Variants in CHM observed in about 807,000 individuals in gnomAD.
CHM encodes the protein rab proteins geranylgeranyltransferase component A 1.
Under a neutral mutation model 49.0 loss-of-function variants are expected in CHM, and 10 were observed. The ratio of observed to expected loss-of-function variants is 0.20; its 90% CI spans 0.13 to 0.35. The LOEUF (loss-of-function observed/expected upper bound fraction) is 0.35, where lower values mean the gene tolerates loss of function less well. Among genes scored for constraint, CHM ranks in the 10% least tolerant of loss-of-function variants. The pLI, the probability that CHM is intolerant of heterozygous loss-of-function variation, is 1.00. For missense variants in CHM, 455 were observed against 478.4 expected (o/e 0.95, Z 0.46); for synonymous variants, 184 against 167.5 (o/e 1.10, Z -0.76).
intron 7 of CHM, among the ~76,000 whole-genome samples, chrX:85,956,675 C>CA (rs1930025073): frequency 9.0e-6 from 1 of 111,364 alleles, no homozygotes; most frequent in Admixed American, 9.6e-5. Context: ...GCAATAATCT[C>CA]ACTTTATTAT....
intron 2 of CHM, among the ~76,000 whole-genome samples, chrX:86,006,279 A>T (rs886509074): frequency 4.8e-4 from 54 of 111,663 alleles, no homozygotes; most frequent in Non-Finnish European, 9.2e-4. Context: ...AATAAGAGCT[A>T]TTTATGACAA....
At chrX:85,976,674 G>A (rs1462735797) in intron 4 of CHM, among the ~76,000 whole-genome samples, 1 of 109,804 alleles carries the variant, frequency 9.1e-6, no homozygotes, top group African/African-American at 3.3e-5. Context: ...TTCTGAGATC[G>A]CCTAGTCCAA....
intron 2 of CHM, among the ~76,000 whole-genome samples, chrX:86,014,011 T>C (rs964657717): frequency 2.4e-4 from 27 of 112,109 alleles, no homozygotes; most frequent in Admixed American, 1.7e-3. Context: ...AAACCTGCCA[T>C]AGTTAATGTG....
intron 1 of CHM, among the ~76,000 whole-genome samples, chrX:86,028,084 T>C (rs979915038): frequency 6.2e-5 from 7 of 112,118 alleles, no homozygotes; most frequent in Middle Eastern, 4.2e-3. Flanking sequence ...AAAAAGCAGT[T>C]CTGCTTAATT....
At position 85,984,404 on chromosome X, in the gene CHM, A is replaced by G. The variant is rs778658798; in HGVS notation, c.117-2595T>C. On this transcript the variant is annotated intron_variant, in intron 2 of 14. Coordinates refer to ENST00000357749, the MANE Select transcript of CHM (RefSeq NM_000390.4). The stretch of plus-strand genomic sequence containing the variant: ...TAAGTGCATATTATAATAGCATTAC[A>G]AATGAGCATATGAGATACCAGTACG... Among the ~76,000 whole-genome samples the G allele has an allele frequency of 5.4e-5, 6 of 111,125 alleles. No individual in the cohort carries two copies. The South Asian group carries it at 2.3e-3, about 43-fold the overall frequency.
At chrX:85,884,390 C>T (rs1177772302) in intron 12 of CHM, among the ~76,000 whole-genome samples, 3 of 110,819 alleles carry the variant, frequency 2.7e-5, no homozygotes, top group South Asian at 7.6e-4. Context: ...ATACTAATAA[C>T]GGTCCTGAGG....
intron 8 of CHM, among the ~76,000 whole-genome samples, chrX:85,954,986 C>T (rs1285769636): frequency 9.1e-6 from 1 of 110,170 alleles, no homozygotes; most frequent in Non-Finnish European, 1.9e-5. Context: ...GTGAAATAAG[C>T]CAGCCACAGA....
intron 9 of CHM, among the ~76,000 whole-genome samples, chrX:85,904,032 A>C (rs895657929): frequency 8.9e-6 from 1 of 111,946 alleles, no homozygotes; most frequent in Non-Finnish European, 1.9e-5. Flanking sequence ...TTGGGAAAAC[A>C]ATGAATAAAA....
chrX:85,874,892 T>C (rs181192295), intron 13 of CHM, among the ~76,000 whole-genome samples: 14 of 111,758 alleles, frequency 1.3e-4, no homozygotes, highest in African/African-American at 4.2e-4. Context: ...GTATCTCCTA[T>C]GATTTGGGAT....
chrX:85,954,893 C>CAAAA (rs768276965), intron 8 of CHM, among the ~76,000 whole-genome samples: 3 of 83,324 alleles, frequency 3.6e-5, no homozygotes, highest in African/African-American at 8.7e-5. Context: ...CTCCATCTCC[C>CAAAA]AAAAAAAAAA....
intron 1 of CHM, among the ~76,000 whole-genome samples, chrX:86,041,799 A>C (rs940877051): frequency 1.9e-5 from 2 of 102,668 alleles, no homozygotes; most frequent in African/African-American, 3.5e-5. Flanking sequence ...TACTACATGC[A>C]TTCTGATATA....
At chrX:86,002,500 T>C (rs1484536446) in intron 2 of CHM, among the ~76,000 whole-genome samples, 4 of 111,839 alleles carry the variant, frequency 3.6e-5, no homozygotes, top group Non-Finnish European at 7.5e-5. Flanking sequence ...AGAAGACAGG[T>C]GATTTCTGCA....
chrX:86,010,760 T>C (rs1328549500), intron 2 of CHM, among the ~76,000 whole-genome samples: 1 of 111,509 alleles, frequency 9.0e-6, no homozygotes, highest in Non-Finnish European at 1.9e-5. Flanking sequence ...ATGTATTTTG[T>C]CTATAAATTA....
intron 11 of CHM, among the ~76,000 whole-genome samples, chrX:85,895,902 T>C (rs1463314850): frequency 9.1e-6 from 1 of 110,215 alleles, no homozygotes; most frequent in East Asian, 2.9e-4. Context: ...AGGACGTCTT[T>C]TGATTTCTAC....
At chrX:85,875,765 G>A (rs772220906) in intron 13 of CHM, among the ~76,000 whole-genome samples, 4 of 111,489 alleles carry the variant, frequency 3.6e-5, no homozygotes, top group Non-Finnish European at 5.7e-5. Flanking sequence ...GATAGAAAAT[G>A]AGTGAGACGC....
chrX:85,934,339 A>G (rs1326192730), intron 8 of CHM, among the ~76,000 whole-genome samples: 1 of 90,157 alleles, frequency 1.1e-5, no homozygotes, highest in African/African-American at 4.4e-5. Flanking sequence ...GGTTTGTTAC[A>G]TATGTATACA....
At chrX:86,040,657 G>T (rs1015894651) in intron 1 of CHM, among the ~76,000 whole-genome samples, 4 of 112,085 alleles carry the variant, frequency 3.6e-5, no homozygotes, top group Non-Finnish European at 5.6e-5. Context: ...TGGCCAAGCT[G>T]CCTCTGGTCT....
chrX:85,948,088 A>T (rs1175616715), intron 8 of CHM, among the ~76,000 whole-genome samples: 1 of 111,882 alleles, frequency 8.9e-6, no homozygotes, highest in African/African-American at 3.2e-5. Context: ...ATAAAAAAAA[A>T]ATGTGAAGTT....
chrX:85,864,858 A>T, intron 14 of CHM, 37 bp from the exon 15 acceptor site: 1 of 1,143,332 alleles, frequency 8.7e-7, no homozygotes, highest in Non-Finnish European at 1.2e-6. Context: ...GTTTTTGGAA[A>T]TCGGTTTAAA....
Sources: gnomAD v4.1 joint callset for allele counts (sites outside exome capture counted in the v4.1 genomes callset) on GRCh38, gnomAD v4.1.1 for gene constraint, MANE v1.5 for transcripts, NCBI Gene and HGNC (gene_info 2026-07-23, HGNC 2026-07-21) for gene names.